Variants in NXPE1 observed in about 807,000 individuals in gnomAD.
The protein encoded by NXPE1 is NXPE family member 1.
NXPE1 carries 31 observed loss-of-function variants against 33.3 expected under a neutral mutation model. The ratio of observed to expected loss-of-function variants is 0.93; its 90% CI spans 0.70 to 1.26. The LOEUF (loss-of-function observed/expected upper bound fraction) is 1.26. NXPE1 is among the 50% of genes most tolerant of loss of function. NXPE1 has a pLI of 0.00. For synonymous variants in NXPE1, 229 were observed against 231.4 expected, an observed-to-expected ratio of 0.99 and a Z score of 0.09; for missense variants, 661 against 655.6, an observed-to-expected ratio of 1.01 and a Z score of -0.09.
At chr11:114,552,737 G>T in intron 2 of NXPE1, 115 bp downstream of exon 2, 1 of 232,702 alleles carries the variant, frequency 4.3e-6, no homozygotes, top group Non-Finnish European at 7.0e-6. Flanking sequence ...GTATGGATAT[G>T]TTTCAGCAGC....
downstream of NXPE1, among the ~76,000 whole-genome samples, chr11:114,520,817 C>A (rs1262128643): frequency 6.6e-6 from 1 of 152,162 alleles, no homozygotes; most frequent in African/African-American, 2.4e-5. Flanking sequence ...AATTGAGCAT[C>A]TTTCTTACAG....
intron 5 of NXPE1, among the ~76,000 whole-genome samples, chr11:114,536,241 A>C (rs1288722851): frequency 6.6e-6 from 1 of 152,234 alleles, no homozygotes; most frequent in African/African-American, 2.4e-5. Flanking sequence ...CAATGAGAAC[A>C]AAGACACAAC....
intron 5 of NXPE1, among the ~76,000 whole-genome samples, chr11:114,537,911 C>T (rs939979584): frequency 1.1e-4 from 16 of 152,072 alleles, no homozygotes; most frequent in Non-Finnish European, 2.2e-4. Flanking sequence ...TGACTTTCTT[C>T]ACAGAATTGG....
intron 7 of NXPE1, among the ~76,000 whole-genome samples, chr11:114,524,862 G>A (rs771751782): frequency 9.2e-5 from 14 of 152,156 alleles, no homozygotes; most frequent in Admixed American, 7.2e-4. Context: ...ATTTTGAACA[G>A]TATGTGGGTA....
At chr11:114,540,799 T>C (rs1291064762) in intron 5 of NXPE1, among the ~76,000 whole-genome samples, 2 of 139,990 alleles carry the variant, frequency 1.4e-5, no homozygotes, top group African/African-American at 2.6e-5. Context: ...CTGAGGGCAG[T>C]CTACTAGCAG....
intron 1 of NXPE1, among the ~76,000 whole-genome samples, chr11:114,557,634 C>CATATATATAT (rs4019608): frequency 8.0e-4 from 103 of 128,426 alleles, no homozygotes; most frequent in East Asian, 1.5e-3. Flanking sequence ...ATATATAATA[C>CATATATATAT]ATATATATAT....
chr11:114,540,659 C>G (rs191888083), intron 5 of NXPE1, among the ~76,000 whole-genome samples: 1 of 151,422 alleles, frequency 6.6e-6, no homozygotes, highest in East Asian at 1.9e-4. Flanking sequence ...CAACTCTGAA[C>G]GAAATGCCAA....
At position 114,536,815 on chromosome 11, in the gene NXPE1, A is replaced by G. The variant is rs573231201; in HGVS notation, c.100-5907T>C. ...ATAGCTTACCAACCAAAAAAAGTCCAGGACCAGATGGATTCACAGCCGAAT... is the reference window on the plus strand; with the variant it reads ...ATAGCTTACCAACCAAAAAAAGTCCGGGACCAGATGGATTCACAGCCGAAT... On this transcript the variant is annotated intron_variant, in intron 5 of 8. Transcript: ENST00000534921. 2.2e-3 allele frequency among the ~76,000 whole-genome samples: 329 copies of G among 152,364 alleles called. 1 individual carries two copies. The highest frequency in any genetic ancestry group is 7.4e-3 in the African/African-American group (306 of 41,588).
intron 5 of NXPE1, among the ~76,000 whole-genome samples, chr11:114,532,648 C>T (rs1046848785): frequency 5.3e-5 from 8 of 151,926 alleles, no homozygotes; most frequent in African/African-American, 1.9e-4. Context: ...AAGTATGATA[C>T]AAGAAAAGTA....
intron 5 of NXPE1, among the ~76,000 whole-genome samples, chr11:114,548,157 A>G (rs1948344812): frequency 6.6e-6 from 1 of 152,218 alleles, no homozygotes; most frequent in South Asian, 2.1e-4. Context: ...ATATTTATGC[A>G]CCGAGTACAG....
intron 2 of NXPE1, 68 bp from the exon 3 acceptor site, chr11:114,552,153 C>T (rs1484421145): frequency 6.6e-6 from 1 of 152,060 alleles, no homozygotes; most frequent in Non-Finnish European, 1.5e-5. Flanking sequence ...TTGGGAAGTC[C>T]AAGATGAAAT....
intron 5 of NXPE1, among the ~76,000 whole-genome samples, chr11:114,535,378 G>A (rs1419867495): frequency 2.0e-5 from 3 of 152,110 alleles, no homozygotes; most frequent in African/African-American, 7.2e-5. Context: ...ATCAACTAAC[G>A]AGCAAAATAA....
chr11:114,535,847 C>T (rs1488168015), intron 5 of NXPE1, among the ~76,000 whole-genome samples: 1 of 152,008 alleles, frequency 6.6e-6, no homozygotes, highest in East Asian at 1.9e-4. Flanking sequence ...ACGTTAACAC[C>T]CCACTGTCAA....
At chr11:114,523,041 G>A in exon 8 of NXPE1, 1 of 1,613,650 alleles carries the variant, frequency 6.2e-7, no homozygotes, top group South Asian at 1.1e-5. Flanking sequence ...TAACCACCAG[G>A]GACAGGAGGC....
chr11:114,520,539 C>T (rs1947189345), downstream of NXPE1, among the ~76,000 whole-genome samples: 1 of 152,098 alleles, frequency 6.6e-6, no homozygotes, highest in African/African-American at 2.4e-5. Context: ...TGTTGTTTCT[C>T]TGTCTTGGCT....
rs553526848 is a variant in NXPE1, at chr11:114,522,568, T to C, written c.1109-65A>G. The C allele has an allele frequency of 7.4e-6, 10 of 1,353,578 alleles. No individual in the cohort carries two copies. In the Middle Eastern group the frequency reaches 8.2e-4, roughly 111 times the overall value. The allele number at this position is 1,353,578 out of a possible 1,614,324, so 83.8% of individuals were successfully genotyped here. ...TGGTTAATATTCATGAAAAAGAATG[T>C]CCTATCATTTAAAATACCCACCCTA... is the stretch of plus-strand genomic sequence containing the variant. On this transcript the variant is annotated intron_variant, in intron 8 of 8. Transcript: ENST00000534921.
In NXPE1 at chr11:114,553,743, C is replaced by T. The variant is rs534024041; in HGVS notation, c.-210-863G>A. 3.3e-5 allele frequency: 33 copies of T among 985,358 alleles called. No homozygotes were observed. In the African/African-American group the frequency reaches 5.6e-4, roughly 17 times the overall value. 61.0% of individuals were successfully genotyped at this position (985,358 alleles called of 1,614,324 possible). A position where few individuals can be genotyped will look rare whatever the true frequency, so the allele number is the denominator to read the frequency against. On this transcript the variant is annotated intron_variant, in intron 1 of 8. Transcript: ENST00000534921. ...ATATCCCAGTGTCTTTAAGATGCCT[C>T]CATTTGGAAATCCTCACTGGTAGAG... is the stretch of plus-strand genomic sequence containing the variant.
At chr11:114,526,294 T>G (rs1334736771) in intron 7 of NXPE1, among the ~76,000 whole-genome samples, 2 of 152,234 alleles carry the variant, frequency 1.3e-5, no homozygotes, top group Non-Finnish European at 2.9e-5. Flanking sequence ...TATTTTTGTT[T>G]TTTAAAGCCA....
chr11:114,549,867 G>T (rs1376772113), intron 5 of NXPE1, among the ~76,000 whole-genome samples: 1 of 151,826 alleles, frequency 6.6e-6, no homozygotes, highest in South Asian at 2.1e-4. Context: ...AATAATAAAA[G>T]AATTTAGTAA....
Sources: allele counts gnomAD v4.1 joint callset (sites outside exome capture counted in the v4.1 genomes callset), GRCh38; gene constraint gnomAD v4.1.1; transcripts MANE v1.5; gene names NCBI Gene and HGNC (gene_info 2026-07-23, HGNC 2026-07-21).